Variants in CCSER1 observed in about 807,000 individuals in gnomAD.
CCSER1 encodes the protein serine-rich coiled-coil domain-containing protein 1.
A neutral mutation model predicts 82.0 loss-of-function variants in CCSER1; 41 were observed. That is an observed-to-expected ratio of 0.50 (90% CI 0.39 to 0.65). The LOEUF is 0.65. CCSER1 is among the 30% of genes least tolerant of loss of function. The pLI is 0.00. For synonymous variants in CCSER1, 414 were observed against 383.9 expected (o/e 1.08, Z -0.92); for missense variants, 1,119 against 1,064.2 (o/e 1.05, Z -0.72).
intron 3 of CCSER1, among the ~76,000 whole-genome samples, chr4:90,314,594 A>C (rs1229223769): frequency 6.6e-6 from 1 of 151,924 alleles, no homozygotes; most frequent in African/African-American, 2.4e-5. Context: ...ATCTCTAAAA[A>C]AAAATTTAAT....
chr4:90,298,144 G>A (rs1466443242), intron 1 of CCSER1, among the ~76,000 whole-genome samples: 2 of 152,032 alleles, frequency 1.3e-5, no homozygotes, highest in Non-Finnish European at 2.9e-5. Flanking sequence ...TGGTTGGTAA[G>A]CTATTGATTA....
At chr4:91,142,853 C>A (rs950079788) in intron 10 of CCSER1, among the ~76,000 whole-genome samples, 1 of 151,900 alleles carries the variant, frequency 6.6e-6, no homozygotes, top group Non-Finnish European at 1.5e-5. Context: ...TGTTTTTTTA[C>A]CAGCACCATG....
chr4:90,986,849 C>T (rs985240268), intron 9 of CCSER1, among the ~76,000 whole-genome samples: 1 of 151,730 alleles, frequency 6.6e-6, no homozygotes, highest in African/African-American at 2.4e-5. Flanking sequence ...ACAACGCCTT[C>T]GGAGACCCTG....
chr4:90,336,742 C>T (rs1037066308), intron 3 of CCSER1, among the ~76,000 whole-genome samples: 7 of 151,998 alleles, frequency 4.6e-5, no homozygotes, highest in African/African-American at 1.4e-4. Flanking sequence ...GATGGTGGTG[C>T]GTGTATACTT....
At chr4:90,626,608 C>A (rs1035584686) in intron 5 of CCSER1, among the ~76,000 whole-genome samples, 3 of 152,128 alleles carry the variant, frequency 2.0e-5, no homozygotes, top group African/African-American at 7.2e-5. Context: ...GTTTTCCACA[C>A]AAAATGCAGC....
At chr4:90,723,787 G>T in intron 6 of CCSER1, 127 bp from the exon 7 acceptor site, 1 of 425,412 alleles carries the variant, frequency 2.4e-6, no homozygotes, top group Non-Finnish European at 4.3e-6. Flanking sequence ...CGTTAAATCT[G>T]ATTTTTTACA....
chr4:91,107,261 C>A (rs568023034), intron 10 of CCSER1, among the ~76,000 whole-genome samples: 37 of 151,946 alleles, frequency 2.4e-4, no homozygotes. Context: ...CAATGCATTT[C>A]TTTTTTCATT....
At chr4:91,507,470 C>T (rs1368456761) in intron 10 of CCSER1, among the ~76,000 whole-genome samples, 1 of 151,794 alleles carries the variant, frequency 6.6e-6, no homozygotes, top group African/African-American at 2.4e-5. Context: ...GCTCTGTTGC[C>T]CTGGCTGGAG....
intron 1 of CCSER1, among the ~76,000 whole-genome samples, chr4:90,200,803 AAC>A (rs200110581): frequency 0.012 from 1,815 of 152,118 alleles, 45 homozygotes; most frequent in African/African-American, 0.041. Context: ...CATCCTTAAA[AAC>A]AGTCAACTTT....
intron 10 of CCSER1, among the ~76,000 whole-genome samples, chr4:91,124,586 A>G (rs554176236): frequency 4.0e-4 from 60 of 151,798 alleles, no homozygotes; most frequent in African/African-American, 1.4e-3. Context: ...TGTTGTCTCA[A>G]TTGTGGTACC....
chr4:90,977,140 C>T (rs1735682372), intron 9 of CCSER1, among the ~76,000 whole-genome samples: 2 of 151,516 alleles, frequency 1.3e-5, no homozygotes, highest in African/African-American at 2.4e-5. Flanking sequence ...GGAGGTAAAA[C>T]AACCAACTTG....
At position 91,003,619 on chromosome 4, in the gene CCSER1, G is replaced by A. The variant is rs535951971; in HGVS notation, c.2172+80172G>A. ...TTCCAAACATTGGGAGAGCAGGGCT[G>A]AGAACTTGTCCCAGACTACCTGCCT... On this transcript the variant is annotated intron_variant, in intron 9 of 10. Coordinates refer to ENST00000509176, the MANE Select transcript of CCSER1 (RefSeq NM_001145065.2). 2.0e-5 allele frequency among the ~76,000 whole-genome samples: 3 copies of A among 152,236 alleles called. No homozygotes were observed. In the South Asian group the frequency reaches 6.2e-4, roughly 32 times the overall value.
intron 10 of CCSER1, among the ~76,000 whole-genome samples, chr4:91,286,769 T>C (rs1472689072): frequency 2.0e-5 from 3 of 151,858 alleles, no homozygotes; most frequent in Non-Finnish European, 4.4e-5. Context: ...CATAAATATG[T>C]GTTCTCTAGA....
intron 1 of CCSER1, among the ~76,000 whole-genome samples, chr4:90,296,942 G>C (rs375318304): frequency 6.6e-6 from 1 of 152,146 alleles, no homozygotes; most frequent in African/African-American, 2.4e-5. Flanking sequence ...TTCCAGCTTT[G>C]TTCTTTTGGC....
At chr4:90,197,965 A>C (rs1736916505) in intron 1 of CCSER1, among the ~76,000 whole-genome samples, 1 of 152,198 alleles carries the variant, frequency 6.6e-6, no homozygotes, top group Admixed American at 6.6e-5. Context: ...TAAATGCTTG[A>C]AGGGATGGAT....
intron 7 of CCSER1, among the ~76,000 whole-genome samples, chr4:90,782,542 T>A (rs926933768): frequency 2.0e-5 from 3 of 152,110 alleles, no homozygotes; most frequent in Non-Finnish European, 4.4e-5. Context: ...TAACCAGATA[T>A]AAAGGCAGTG....
chr4:91,015,245 TTATTA>T (rs1407711352), intron 9 of CCSER1: 1 of 152,084 alleles, frequency 6.6e-6, no homozygotes, highest in African/African-American at 2.4e-5. Context: ...TCTATGTGCT[TTATTA>T]TATTAGTACA....
chr4:90,754,555 G>A (rs1749195121), intron 7 of CCSER1, among the ~76,000 whole-genome samples: 2 of 152,064 alleles, frequency 1.3e-5, no homozygotes, highest in Admixed American at 1.3e-4. Flanking sequence ...ACAATTTTGT[G>A]TCATTCAAGA....
chr4:90,177,602 A>G (rs562787614), intron 1 of CCSER1, among the ~76,000 whole-genome samples: 2 of 152,126 alleles, frequency 1.3e-5, no homozygotes, highest in African/African-American at 4.8e-5. Context: ...TTTTTGCATG[A>G]ACCTCCTCAA....
Sources: allele counts gnomAD v4.1 joint callset (sites outside exome capture counted in the v4.1 genomes callset), GRCh38; gene constraint gnomAD v4.1.1; transcripts MANE v1.5; gene names NCBI Gene and HGNC (gene_info 2026-07-23, HGNC 2026-07-21).